The following ADAM2 variants were observed in gnomAD, a reference collection of about 807,000 sequenced individuals.
ADAM2 encodes the protein ADAM metallopeptidase domain 2, also known as disintegrin and metalloproteinase domain-containing protein 2.
In ADAM2, 101 loss-of-function variants were observed where a neutral mutation model predicts 99.3. The observed-to-expected ratio is 1.02, with a 90% confidence interval of 0.87 to 1.20. The LOEUF is 1.20. Ranked by LOEUF, ADAM2 falls within the 50% of genes most tolerant of loss-of-function variation. ADAM2 has a pLI of 0.00. For synonymous variants in ADAM2, 323 were observed against 287.6 expected, an observed-to-expected ratio of 1.12 and a Z score of -1.25; for missense variants, 948 against 878.7, an observed-to-expected ratio of 1.08 and a Z score of -1.00.
At chr8:39,807,432 C>T (rs748223219) in intron 7 of ADAM2, among the ~76,000 whole-genome samples, 6 of 152,022 alleles carry the variant, frequency 3.9e-5, no homozygotes, top group South Asian at 2.1e-4. Flanking sequence ...GAGAAGGACA[C>T]GAATATGGGG....
chr8:39,819,925 A>C (rs1805108577), intron 6 of ADAM2, among the ~76,000 whole-genome samples: 1 of 152,134 alleles, frequency 6.6e-6, no homozygotes, highest in Non-Finnish European at 1.5e-5. Flanking sequence ...GTGCCAAGAA[A>C]AGAGAATCTT....
At chr8:39,748,059 T>G (rs2129582652) in intron 18 of ADAM2, among the ~76,000 whole-genome samples, 1 of 152,276 alleles carries the variant, frequency 6.6e-6, no homozygotes, top group Admixed American at 6.5e-5. Flanking sequence ...TTGCTCACAA[T>G]TTTGTTGGTT....
intron 11 of ADAM2, among the ~76,000 whole-genome samples, chr8:39,771,673 A>G (rs559649834): frequency 5.9e-5 from 9 of 152,228 alleles, no homozygotes; most frequent in Admixed American, 1.3e-4. Context: ...TTTTGAAAAA[A>G]CTAACAGTGT....
At position 39,769,569 on chromosome 8, in the gene ADAM2, G is replaced by A; in HGVS notation, c.1035C>T (p.Phe345=). The A allele has an allele frequency of 6.2e-7, 1 of 1,611,162 alleles. No homozygotes were observed. Among genetic ancestry groups the A allele is most frequent in the Non-Finnish European group, 8.5e-7 (1 of 1,177,656 alleles). The change falls in exon 12 of 21, where the codon TTC becomes TTT. Residue 345 remains phenylalanine, a synonymous_variant. Transcript: ENST00000265708. ...VCIMNPEAIH[F]SGVKIFSNCS... Reference sequence around the variant, plus strand: ...AGTTACTAAAGATCTTCACACCACTGAAATGACTAAAGACACATCAAACGT... The same window carrying A: ...AGTTACTAAAGATCTTCACACCACTAAAATGACTAAAGACACATCAAACGT...
intron 7 of ADAM2, among the ~76,000 whole-genome samples, chr8:39,806,520 A>G (rs906352053): frequency 7.4e-5 from 11 of 148,124 alleles, no homozygotes; most frequent in Admixed American, 2.7e-4. Flanking sequence ...ATTATTATAA[A>G]CATATTATAT....
At chr8:39,789,415 A>G (rs946052545) in intron 7 of ADAM2, among the ~76,000 whole-genome samples, 3 of 151,950 alleles carry the variant, frequency 2.0e-5, no homozygotes, top group Admixed American at 1.3e-4. Flanking sequence ...AACAGCAAAT[A>G]TGCGTTTTTT....
intron 14 of ADAM2, among the ~76,000 whole-genome samples, chr8:39,765,475 T>G (rs78108898): frequency 6.6e-6 from 1 of 152,118 alleles, no homozygotes; most frequent in Non-Finnish European, 1.5e-5. Flanking sequence ...GCCAACAAAT[T>G]TGATAACAGA....
intron 11 of ADAM2, among the ~76,000 whole-genome samples, chr8:39,769,817 C>G (rs991684052): frequency 1.2e-4 from 19 of 152,256 alleles, no homozygotes; most frequent in African/African-American, 4.6e-4. Context: ...TGACACTGCT[C>G]TCTCTTGTTT....
intron 15 of ADAM2, among the ~76,000 whole-genome samples, chr8:39,760,611 C>T (rs933379511): frequency 2.6e-5 from 4 of 151,976 alleles, no homozygotes; most frequent in African/African-American, 9.7e-5. Flanking sequence ...GTCGCAGCTA[C>T]TCGGGAGGCT....
At chr8:39,828,000 CT>C (rs899905915) in intron 3 of ADAM2, among the ~76,000 whole-genome samples, 1 of 151,596 alleles carries the variant, frequency 6.6e-6, no homozygotes, top group Non-Finnish European at 1.5e-5. Context: ...TTAATTAGAC[CT>C]TTATATAGCT....
chr8:39,772,584 G>C lies in ADAM2; in HGVS notation c.1029-3009C>G, dbSNP rs966852804. ...AATTTCTCAAAATAAACTTTTCTTT[G>C]ATTGTAGCCATTATTCCTTTGTGTT... On this transcript the variant is annotated intron_variant, in intron 11 of 20. Transcript: ENST00000265708. 7.2e-5 allele frequency among the ~76,000 whole-genome samples: 11 copies of C among 152,066 alleles called. No individual in the cohort carries two copies. The East Asian group carries it at 2.1e-3, about 29-fold the overall frequency.
intron 2 of ADAM2, among the ~76,000 whole-genome samples, chr8:39,834,274 T>C (rs541635177): frequency 1.4e-4 from 22 of 152,164 alleles, no homozygotes; most frequent in Non-Finnish European, 2.4e-4. Flanking sequence ...TTGAATTCTG[T>C]TTGATCTAAG....
At chr8:39,807,985 C>T (rs1011554763) in intron 7 of ADAM2, among the ~76,000 whole-genome samples, 1 of 152,068 alleles carries the variant, frequency 6.6e-6, no homozygotes, top group Non-Finnish European at 1.5e-5. Context: ...TTTATTAGCA[C>T]ATTAAATGGT....
intron 10 of ADAM2, among the ~76,000 whole-genome samples, chr8:39,782,205 GC>G (rs1467942946): frequency 6.6e-6 from 1 of 151,920 alleles, no homozygotes; most frequent in Non-Finnish European, 1.5e-5. Context: ...ATTCAATCTT[GC>G]TTTTTTTTGT....
chr8:39,767,896 TCACACACACACA>T (rs57655234), intron 12 of ADAM2, among the ~76,000 whole-genome samples: 1 of 147,782 alleles, frequency 6.8e-6, no homozygotes, highest in African/African-American at 2.5e-5. Context: ...GACAATGCAT[TCACACACACACA>T]CACACACACA....
At chr8:39,749,614 C>A (rs957406493) in intron 17 of ADAM2, 53 bp downstream of exon 17, 3 of 1,497,316 alleles carry the variant, frequency 2.0e-6, no homozygotes, top group Non-Finnish European at 2.8e-6. Context: ...AATGCAGTTT[C>A]CTAAAATTAG....
At chr8:39,765,237 A>G (rs1030920012) in intron 14 of ADAM2, among the ~76,000 whole-genome samples, 1 of 152,130 alleles carries the variant, frequency 6.6e-6, no homozygotes, top group Admixed American at 6.5e-5. Context: ...GGCATAGGGT[A>G]GAAAACATAT....
chr8:39,774,961 G>C (rs967227532), intron 11 of ADAM2, among the ~76,000 whole-genome samples: 2 of 152,080 alleles, frequency 1.3e-5, no homozygotes, highest in Non-Finnish European at 2.9e-5. Flanking sequence ...TATGTGGGTG[G>C]TGATTCTAGG....
At position 39,793,250 on chromosome 8, in the gene ADAM2, C is replaced by A. The variant is rs116613740; in HGVS notation, c.571-4510G>T. 5.2e-3 allele frequency among the ~76,000 whole-genome samples: 798 copies of A among 152,200 alleles called. 4 individuals carry two copies. The highest frequency in any genetic ancestry group is 0.018 in the African/African-American group (755 of 41,538). ...GTTCTGTGCCTTTTAAATGTTAATTCTCTACCTTATCATACTTAAATGCCA... is the reference window on the plus strand; with the variant it reads ...GTTCTGTGCCTTTTAAATGTTAATTATCTACCTTATCATACTTAAATGCCA... On this transcript the variant is annotated intron_variant, in intron 7 of 20. Coordinates refer to ENST00000265708, the MANE Select transcript of ADAM2 (RefSeq NM_001464.5).
Sources: allele counts gnomAD v4.1 joint callset (sites outside exome capture counted in the v4.1 genomes callset), GRCh38; gene constraint gnomAD v4.1.1; transcripts MANE v1.5; gene names NCBI Gene and HGNC (gene_info 2026-07-23, HGNC 2026-07-21).